CSMD2: variants seen among roughly 807,000 people sequenced by gnomAD.
CSMD2 encodes CUB and sushi domain-containing protein 2.
In CSMD2, 130 loss-of-function variants were observed where a neutral mutation model predicts 398.5. That is an observed-to-expected ratio of 0.33 (90% confidence interval 0.28 to 0.38). CSMD2 has a LOEUF of 0.38. Ranked by LOEUF, CSMD2 falls within the 10% of genes least tolerant of loss-of-function variation. The pLI, the probability that CSMD2 is intolerant of heterozygous loss-of-function variation, is 1.00. For missense variants in CSMD2, 3,829 were observed against 4,764.9 expected, an observed-to-expected ratio of 0.80 and a Z score of 5.78; for synonymous variants, 1,828 against 1,908.5, an observed-to-expected ratio of 0.96 and a Z score of 1.10.
chr1:33,960,416 A>C (rs932046375), intron 3 of CSMD2, among the ~76,000 whole-genome samples: 2 of 152,234 alleles, frequency 1.3e-5, no homozygotes, highest in South Asian at 4.1e-4. Context: ...ACTGACTTGG[A>C]ACCCTGATGC....
chr1:33,624,737 G>C lies in CSMD2; in HGVS notation c.5501-94C>G. ...CCCTCATGGCCCCCAGCCTCTGTTTGTCCTCCTCCCCATGGGGGTGTCTCC... is the reference window on the plus strand; with the variant it reads ...CCCTCATGGCCCCCAGCCTCTGTTTCTCCTCCTCCCCATGGGGGTGTCTCC... On this transcript the variant is annotated intron_variant, in intron 34 of 70. Coordinates refer to ENST00000373381, the MANE Select transcript of CSMD2 (RefSeq NM_001281956.2). This position sits in a 1 kb window ranked among gnomAD's most constrained non-coding sequence, Gnocchi z 4.7. 1 of 1,494,444 alleles carries C rather than the reference G, an allele frequency of 6.7e-7. No homozygotes were observed. The highest frequency in any genetic ancestry group is 9.0e-7 in the Non-Finnish European group (1 of 1,106,690). The allele number at this position is 1,494,444 out of a possible 1,614,324, so 92.6% of individuals were successfully genotyped here.
At chr1:33,825,495 A>C (rs1275245426) in intron 7 of CSMD2, among the ~76,000 whole-genome samples, 1 of 152,258 alleles carries the variant, frequency 6.6e-6, no homozygotes, top group Non-Finnish European at 1.5e-5. Flanking sequence ...AAATGGGAAG[A>C]GGAGGAGGAG....
chr1:34,055,156 A>T (rs1653679183), intron 2 of CSMD2, among the ~76,000 whole-genome samples: 1 of 152,080 alleles, frequency 6.6e-6, no homozygotes, highest in Admixed American at 6.5e-5. Context: ...AAACAACAAT[A>T]ACAATAAACA....
intron 1 of CSMD2, among the ~76,000 whole-genome samples, chr1:34,093,634 G>A (rs1013602530): frequency 2.0e-5 from 3 of 151,788 alleles, no homozygotes; most frequent in South Asian, 2.1e-4. Flanking sequence ...GAGCCGATGC[G>A]ATCAACTGGA....
intron 3 of CSMD2, among the ~76,000 whole-genome samples, chr1:33,938,267 T>A (rs1644541539): frequency 6.6e-6 from 1 of 151,920 alleles, no homozygotes; most frequent in Non-Finnish European, 1.5e-5. Flanking sequence ...TTACTTAGCA[T>A]TTCCCATGAT....
chr1:34,000,617 G>A (rs1234852219), intron 3 of CSMD2, among the ~76,000 whole-genome samples: 2 of 151,946 alleles, frequency 1.3e-5, no homozygotes, highest in Admixed American at 1.3e-4. Flanking sequence ...TAATTAGTAG[G>A]GAACTAGCCA....
In CSMD2 at chr1:34,164,631, G is replaced by A. The variant is rs534546395; in HGVS notation, c.187+280C>T. On this transcript the variant is annotated intron_variant, in intron 1 of 70. Coordinates refer to ENST00000373381, the MANE Select transcript of CSMD2 (RefSeq NM_001281956.2). This position sits in a 1 kb window ranked among gnomAD's most constrained non-coding sequence, Gnocchi z 6.2. ...GACCAGGTGCCCCGCAACCCCGGGC[G>A]GGGATGTCTGTCTCCCAGGCCCCCA... Among the ~76,000 whole-genome samples, 2 of 152,246 alleles carry A rather than the reference G, an allele frequency of 1.3e-5. No individual in the cohort carries two copies. Among genetic ancestry groups the A allele is most frequent in the East Asian group, 1.9e-4 (1 of 5,144 alleles).
chr1:33,724,257 G>A lies in CSMD2; in HGVS notation c.2941C>T (p.Pro981Ser), dbSNP rs1646451403. ...SSGTILSPGFPDFYPNNLNCT... is the reference protein window; with the variant it reads ...SSGTILSPGFSDFYPNNLNCT... ...TTCAAGTTGTTGGGGTAGAAGTCAG[G>A]GAACCCTGGCGACAAGATGGTCCCA... Residue 981 changes from proline to serine, a missense_variant, in exon 19 of 71, where the codon CCT becomes TCT. Coordinates refer to ENST00000373381, the MANE Select transcript of CSMD2 (RefSeq NM_001281956.2). The A allele has an allele frequency of 1.2e-6, 2 of 1,613,960 alleles. No individual in the cohort carries two copies. The highest frequency in any genetic ancestry group is 1.3e-5 in the African/African-American group (1 of 74,900).
intron 22 of CSMD2, among the ~76,000 whole-genome samples, chr1:33,705,934 TAA>T (rs113435498): frequency 2.1e-5 from 3 of 145,250 alleles, no homozygotes; most frequent in East Asian, 2.0e-4. Flanking sequence ...CTTTATTATT[TAA>T]AAAAAAAAAA....
At chr1:33,773,507 C>A (rs1414442809) in intron 12 of CSMD2, among the ~76,000 whole-genome samples, 1 of 152,184 alleles carries the variant, frequency 6.6e-6, no homozygotes, top group African/African-American at 2.4e-5. Flanking sequence ...GCATGATGGG[C>A]TGGCTACCTC....
intron 10 of CSMD2, 27 bp from the exon 11 acceptor site, chr1:33,792,553 C>G (rs1654455292): frequency 1.3e-6 from 2 of 1,511,648 alleles, no homozygotes; most frequent in African/African-American, 1.4e-5. Flanking sequence ...GGGTTAGGAG[C>G]AGGCAGGGGC....
At chr1:33,945,189 G>A (rs192194301) in intron 3 of CSMD2, among the ~76,000 whole-genome samples, 11 of 152,042 alleles carry the variant, frequency 7.2e-5, no homozygotes, top group Non-Finnish European at 1.3e-4. Context: ...ATAGGCCCCA[G>A]AATAGAGCTG....
chr1:33,878,818 T>C (rs1359847461), intron 5 of CSMD2, among the ~76,000 whole-genome samples: 1 of 152,336 alleles, frequency 6.6e-6, no homozygotes, highest in African/African-American at 2.4e-5. Flanking sequence ...TAACTCCCAC[T>C]GTTTATGGGA....
chr1:33,944,496 C>A (rs978495851), intron 3 of CSMD2, among the ~76,000 whole-genome samples: 1 of 152,182 alleles, frequency 6.6e-6, no homozygotes, highest in Non-Finnish European at 1.5e-5. Context: ...AGCCTCCACC[C>A]TTCCCCATTA....
intron 2 of CSMD2, among the ~76,000 whole-genome samples, chr1:34,052,457 T>TGGG (rs11344432): frequency 1.6e-5 from 2 of 128,354 alleles, no homozygotes; most frequent in African/African-American, 5.8e-5. Flanking sequence ...TTTATATCCA[T>TGGG]GGGGGGGGGG....
intron 29 of CSMD2, among the ~76,000 whole-genome samples, chr1:33,643,270 T>C (rs1356315737): frequency 4.6e-5 from 7 of 152,200 alleles, no homozygotes; most frequent in Non-Finnish European, 1.5e-5. Flanking sequence ...TGGCAAAGCA[T>C]ATGGGACACA....
At position 34,115,379 on chromosome 1, in the gene CSMD2, A is replaced by G. The variant is rs542781326; in HGVS notation, c.188-26186T>C. Among the ~76,000 whole-genome samples the G allele has an allele frequency of 1.5e-3, 236 of 152,298 alleles. 1 individual carries two copies. The highest frequency in any genetic ancestry group is 3.3e-3 in the Admixed American group (51 of 15,300). Reference sequence around the variant, plus strand: ...ACTCATCACCTACAAAAGAGTTCTCATAAGATTATCAGCAGATTTCTCAGC... The same window carrying G: ...ACTCATCACCTACAAAAGAGTTCTCGTAAGATTATCAGCAGATTTCTCAGC... On this transcript the variant is annotated intron_variant, in intron 1 of 70. Coordinates refer to ENST00000373381, the MANE Select transcript of CSMD2 (RefSeq NM_001281956.2).
At chr1:34,112,099 T>G (rs2148445820) in intron 1 of CSMD2, among the ~76,000 whole-genome samples, 1 of 152,222 alleles carries the variant, frequency 6.6e-6, no homozygotes, top group East Asian at 1.9e-4. Context: ...ATCTAAAAAT[T>G]GTGTCAGGGA....
Position 33,712,220 on chromosome 1 carries a change from C to T in CSMD2, c.3406+2367G>A, listed in dbSNP as rs1646015203. On this transcript the variant is annotated intron_variant, in intron 21 of 70. Coordinates refer to ENST00000373381, the MANE Select transcript of CSMD2 (RefSeq NM_001281956.2). ...TCCATCACACCAGGATTCCCAAGGA[C>T]AGGGCCATGTCTCTTGCTGCAGACT... 2.0e-5 allele frequency among the ~76,000 whole-genome samples: 3 copies of T among 152,284 alleles called. No homozygotes were observed. The South Asian group carries it at 6.2e-4, about 32-fold the overall frequency.
Sources: allele counts gnomAD v4.1 joint callset (sites outside exome capture counted in the v4.1 genomes callset), GRCh38; gene constraint gnomAD v4.1.1; non-coding constraint Gnocchi (gnomAD v3.1); transcripts MANE v1.5; gene names NCBI Gene and HGNC (gene_info 2026-07-23, HGNC 2026-07-21).